The following STARD13 variants were observed in gnomAD, a reference collection of about 807,000 sequenced individuals.
The protein encoded by STARD13 is stAR-related lipid transfer protein 13.
Under a neutral mutation model 106.4 loss-of-function variants are expected in STARD13, and 62 were observed. That is an observed-to-expected ratio of 0.58 (90% confidence interval 0.48 to 0.72). The LOEUF is 0.72. Among genes scored for constraint, STARD13 ranks in the 30% least tolerant of loss-of-function variants. The probability of loss-of-function intolerance (pLI) is 0.00; values close to 1 mark genes in which losing one functional copy is unlikely to be tolerated. For synonymous variants in STARD13, 565 were observed against 553.0 expected, an observed-to-expected ratio of 1.02 and a Z score of -0.31; for missense variants, 1,387 against 1,424.0, an observed-to-expected ratio of 0.97 and a Z score of 0.42.
At chr13:33,268,526 C>T (rs1891012935) in intron 1 of STARD13, among the ~76,000 whole-genome samples, 1 of 152,192 alleles carries the variant, frequency 6.6e-6, no homozygotes, top group Non-Finnish European at 1.5e-5. Flanking sequence ...CTTAAAACAA[C>T]TGTAGGCAGA....
chr13:33,288,201 A>G (rs911062917), upstream of STARD13, among the ~76,000 whole-genome samples: 2 of 152,210 alleles, frequency 1.3e-5, no homozygotes, highest in Non-Finnish European at 2.9e-5. Flanking sequence ...CATTAAGATC[A>G]TAAGTTTGTA....
At chr13:33,594,077 T>C in the STARD13 span, among the ~76,000 whole-genome samples, 10 of 152,104 alleles carry the variant, frequency 6.6e-5, no homozygotes, top group Non-Finnish European at 1.5e-4. Context: ...CGGCTAATTT[T>C]TTGTATTTTC....
chr13:33,179,060 CA>C (rs1884984355), intron 1 of STARD13, among the ~76,000 whole-genome samples: 1 of 152,192 alleles, frequency 6.6e-6, no homozygotes, highest in Non-Finnish European at 1.5e-5. Context: ...ATTCTAATTT[CA>C]TTTTGTTCTT....
chr13:33,277,064 A>G (rs1891479838), intron 1 of STARD13, among the ~76,000 whole-genome samples: 1 of 149,988 alleles, frequency 6.7e-6, no homozygotes, highest in African/African-American at 2.5e-5. Context: ...AAAAAAAGAG[A>G]GAGAATTCAT....
upstream of STARD13, among the ~76,000 whole-genome samples, chr13:33,287,672 C>T (rs113721128): frequency 0.012 from 1,793 of 152,258 alleles, 31 homozygotes; most frequent in African/African-American, 0.04. Flanking sequence ...CAGCTCAGTC[C>T]GCACCGGTGG....
chr13:33,150,965 C>T (rs1001828564), intron 3 of STARD13, among the ~76,000 whole-genome samples: 3 of 152,056 alleles, frequency 2.0e-5, no homozygotes, highest in African/African-American at 7.2e-5. Flanking sequence ...AGATATGGTC[C>T]CTGCCCTTGA....
chr13:33,142,172 C>T, intron 4 of STARD13, 138 bp downstream of exon 4: 1 of 685,826 alleles, frequency 1.5e-6, no homozygotes, highest in Non-Finnish European at 2.5e-6. Flanking sequence ...GGACTACAGG[C>T]ACAAGCCACT....
chr13:33,223,612 T>C (rs1482736137), intron 1 of STARD13, among the ~76,000 whole-genome samples: 3 of 151,872 alleles, frequency 2.0e-5, no homozygotes, highest in African/African-American at 4.8e-5. Flanking sequence ...TGAGCTGAGA[T>C]TGTGCCACTG....
At chr13:33,181,014 G>A (rs1473616535) in intron 1 of STARD13, among the ~76,000 whole-genome samples, 8 of 152,078 alleles carry the variant, frequency 5.3e-5, no homozygotes, top group African/African-American at 1.9e-4. Flanking sequence ...TAATTGAGAG[G>A]CCTGGGAAAC....
At chr13:33,150,410 C>G (rs1881121473) in intron 3 of STARD13, among the ~76,000 whole-genome samples, 2 of 152,166 alleles carry the variant, frequency 1.3e-5, no homozygotes, top group Non-Finnish European at 2.9e-5. Flanking sequence ...CTTTTATTTT[C>G]AGATGAGAAG....
the STARD13 span, among the ~76,000 whole-genome samples, chr13:33,560,610 G>A: frequency 2.6e-5 from 4 of 151,490 alleles, no homozygotes; most frequent in Non-Finnish European, 4.4e-5. Flanking sequence ...GGTTTTGGCA[G>A]CAACAGAGCA....
the STARD13 span, among the ~76,000 whole-genome samples, chr13:33,527,228 T>TA: frequency 4.6e-5 from 7 of 152,154 alleles, no homozygotes; most frequent in Admixed American, 2.6e-4. Context: ...ACTTTTTTTT[T>TA]ATGGGTCTTT....
chr13:33,401,157 T>C, the STARD13 span, among the ~76,000 whole-genome samples: 3 of 152,204 alleles, frequency 2.0e-5, no homozygotes, highest in African/African-American at 7.2e-5. Context: ...ACAGTAACTA[T>C]TTTGAAACCA....
rs71196512 is a variant in STARD13 at position 33,215,119 on chromosome 13, T to TGG, written c.170-47499_170-47498dup. 8.5e-3 allele frequency among the ~76,000 whole-genome samples: 639 copies of TGG among 75,560 alleles called. 16 individuals carry two copies. Among genetic ancestry groups the TGG allele is most frequent in the African/African-American group, 0.025 (497 of 19,744 alleles). 49.6% of individuals were successfully genotyped at this position (75,560 alleles called of 152,430 possible). On this transcript the variant is annotated intron_variant, in intron 1 of 13. Coordinates refer to ENST00000336934, the MANE Select transcript of STARD13 (RefSeq NM_178006.4). ...AAAATTCAGGAATAGAATGAGTACT[T>TGG]GGGGGGGGGGGTGGGGGGAAATAAG...
upstream of STARD13, among the ~76,000 whole-genome samples, chr13:33,287,788 C>G (rs1482572697): frequency 1.3e-5 from 2 of 151,900 alleles, no homozygotes; most frequent in African/African-American, 4.8e-5. Context: ...AAGGCAGACA[C>G]TTGGTGGTTA....
At chr13:33,351,180 C>T (rs1415591251), upstream of STARD13, among the ~76,000 whole-genome samples, 1 of 152,066 alleles carries the variant, frequency 6.6e-6, no homozygotes, top group African/African-American at 2.4e-5. Context: ...ATATTATTTC[C>T]ATTGCATAGC....
intron 1 of STARD13, among the ~76,000 whole-genome samples, chr13:33,235,807 G>A (rs999103204): frequency 6.6e-6 from 1 of 152,236 alleles, no homozygotes; most frequent in Non-Finnish European, 1.5e-5. Context: ...TCTGTGCTTT[G>A]GCCAGGCCTC....
chr13:33,575,133 G>C, the STARD13 span, among the ~76,000 whole-genome samples: 173 of 151,808 alleles, frequency 1.1e-3, 3 homozygotes, highest in East Asian at 0.021. Context: ...GGTCAGACTG[G>C]TCTCCAACTC....
chr13:33,466,819 G>A, the STARD13 span, among the ~76,000 whole-genome samples: 1 of 152,166 alleles, frequency 6.6e-6, no homozygotes, highest in Non-Finnish European at 1.5e-5. Flanking sequence ...AAAGCAACAT[G>A]AATACAAAGT....
Sources: allele counts gnomAD v4.1 joint callset (sites outside exome capture counted in the v4.1 genomes callset), GRCh38; gene constraint gnomAD v4.1.1; transcripts MANE v1.5; gene names NCBI Gene and HGNC (gene_info 2026-07-23, HGNC 2026-07-21).